The following LGR5 variants were observed in gnomAD, a reference collection of about 807,000 sequenced individuals.
LGR5 encodes the protein leucine-rich repeat-containing G protein-coupled receptor 5.
In LGR5, 54 loss-of-function variants were observed where a neutral mutation model predicts 76.7. The observed-to-expected ratio is 0.70, with a 90% CI of 0.57 to 0.88. The LOEUF (loss-of-function observed/expected upper bound fraction) is 0.88, where lower values mean the gene tolerates loss of function less well. LGR5 is among the 40% of genes least tolerant of loss of function. The pLI is 0.00. For missense variants in LGR5, 1,078 were observed against 1,073.3 expected (o/e 1.00, Z -0.06); for synonymous variants, 406 against 421.9 (o/e 0.96, Z 0.46).
rs75309203 is a variant in LGR5, at chr12:71,575,183, G to A, written c.1208+2262G>A. On this transcript the variant is annotated intron_variant, in intron 13 of 17. Coordinates refer to ENST00000266674, the MANE Select transcript of LGR5 (RefSeq NM_003667.4). ...GTAATGATAATACCTACCTCTTAGG[G>A]TTGTGGTGAGGGTTATGAGACTAAA... is the stretch of plus-strand genomic sequence containing the variant. Among the ~76,000 whole-genome samples the A allele has an allele frequency of 2.7e-3, 415 of 152,246 alleles. 7 individuals carry two copies. The East Asian group carries it at 0.06, about 22-fold the overall frequency.
intron 2 of LGR5, among the ~76,000 whole-genome samples, chr12:71,521,650 C>T (rs1031181132): frequency 6.6e-6 from 1 of 152,074 alleles, no homozygotes; most frequent in Non-Finnish European, 1.5e-5. Flanking sequence ...AGCTGGGTGG[C>T]CATGTAATCT....
Position 71,507,279 on chromosome 12 carries a change from G to A in LGR5, c.284+2594G>A, listed in dbSNP as rs909017658. 1.1e-4 allele frequency among the ~76,000 whole-genome samples: 17 copies of A among 152,290 alleles called. No homozygotes were observed. In the South Asian group the frequency reaches 1.2e-3, roughly 11 times the overall value. ...CTTTCAAAGCCATGCTTGGAAAGTGGAGGGACGGTTGGAATTGTGCATGGT... is the reference window on the plus strand; with the variant it reads ...CTTTCAAAGCCATGCTTGGAAAGTGAAGGGACGGTTGGAATTGTGCATGGT... On this transcript the variant is annotated intron_variant, in intron 2 of 17. Coordinates refer to ENST00000266674, the MANE Select transcript of LGR5 (RefSeq NM_003667.4).
intron 8 of LGR5, among the ~76,000 whole-genome samples, chr12:71,563,437 C>T (rs767878133): frequency 2.0e-5 from 3 of 152,186 alleles, no homozygotes; most frequent in Non-Finnish European, 4.4e-5. Flanking sequence ...CCTTGAAGCA[C>T]GGCAACCATC....
At chr12:71,469,889 A>G (rs1873023214) in intron 1 of LGR5, among the ~76,000 whole-genome samples, 1 of 152,176 alleles carries the variant, frequency 6.6e-6, no homozygotes, top group African/African-American at 2.4e-5. Context: ...TTTTAAAAGC[A>G]GGAACCTAAT....
At chr12:71,502,728 C>T (rs192355496) in intron 1 of LGR5, among the ~76,000 whole-genome samples, 27 of 152,324 alleles carry the variant, frequency 1.8e-4, no homozygotes, top group Non-Finnish European at 3.4e-4. Context: ...CCCTAGTCTC[C>T]TCCACCATAA....
At chr12:71,532,113 A>C (rs1876346878) in intron 3 of LGR5, among the ~76,000 whole-genome samples, 1 of 152,184 alleles carries the variant, frequency 6.6e-6, no homozygotes, top group Non-Finnish European at 1.5e-5. Flanking sequence ...TTTATTAATA[A>C]AAAGTTTAGA....
chr12:71,547,157 A>G lies in LGR5; in HGVS notation c.429-5916A>G, dbSNP rs539226368. On this transcript the variant is annotated intron_variant, in intron 4 of 17. Transcript: ENST00000266674. ...GTAACATTGCAAAGACTCATACTTA[A>G]TAAAAACTCCGTTCTTGCACCAGGT... 1.1e-4 allele frequency among the ~76,000 whole-genome samples: 16 copies of G among 152,362 alleles called. No homozygotes were observed. In the South Asian group the frequency reaches 3.3e-3, roughly 32 times the overall value.
intron 1 of LGR5, among the ~76,000 whole-genome samples, chr12:71,466,350 T>C (rs10506632): frequency 0.23 from 34,821 of 152,102 alleles, 5,434 homozygotes; most frequent in African/African-American, 0.44. Context: ...TTTTATTAAA[T>C]GGAGTTCAAA....
At chr12:71,510,044 T>A (rs1472385273) in intron 2 of LGR5, among the ~76,000 whole-genome samples, 1 of 152,236 alleles carries the variant, frequency 6.6e-6, no homozygotes, top group Non-Finnish European at 1.5e-5. Context: ...CTGTCCTGCC[T>A]GTCTTTTGAG....
At chr12:71,503,893 A>G (rs1344215979) in intron 1 of LGR5, among the ~76,000 whole-genome samples, 1 of 152,216 alleles carries the variant, frequency 6.6e-6, no homozygotes, top group African/African-American at 2.4e-5. Flanking sequence ...TAGGGGGGAA[A>G]AAAACAGAAT....
At chr12:71,452,707 CTCTTGATGTTAGAAATGAGAACATT>C (rs1040658921) in intron 1 of LGR5, among the ~76,000 whole-genome samples, 3 of 152,280 alleles carry the variant, frequency 2.0e-5, no homozygotes, top group African/African-American at 7.2e-5. Context: ...ATGAGAACAT[CTCTTGATGTTAGAAATGAGAACATT>C]TCTTGATGAC....
At chr12:71,544,888 G>A (rs1421965720) in intron 4 of LGR5, among the ~76,000 whole-genome samples, 2 of 151,914 alleles carry the variant, frequency 1.3e-5, no homozygotes, top group African/African-American at 2.4e-5. Context: ...GTGGTTTTTT[G>A]GCTTTCCTGA....
At chr12:71,450,821 C>T (rs1872218824) in intron 1 of LGR5, among the ~76,000 whole-genome samples, 1 of 152,134 alleles carries the variant, frequency 6.6e-6, no homozygotes, top group Non-Finnish European at 1.5e-5. Flanking sequence ...CACATACGCA[C>T]ACACTCCCTA....
intron 1 of LGR5, among the ~76,000 whole-genome samples, chr12:71,501,083 T>TA (rs1236731756): frequency 1.5e-3 from 235 of 152,254 alleles, no homozygotes; most frequent in African/African-American, 4.8e-3. Flanking sequence ...AGATATGTTT[T>TA]AAAAAAACAG....
intron 1 of LGR5, among the ~76,000 whole-genome samples, chr12:71,494,363 C>T (rs1350477049): frequency 1.3e-5 from 2 of 150,686 alleles, no homozygotes; most frequent in Non-Finnish European, 2.9e-5. Flanking sequence ...CAAGCATGAA[C>T]CACTGAACCA....
intron 1 of LGR5, among the ~76,000 whole-genome samples, chr12:71,476,011 G>T (rs1337684498): frequency 6.6e-6 from 1 of 152,110 alleles, no homozygotes; most frequent in Non-Finnish European, 1.5e-5. Context: ...GACACGCAGG[G>T]TTCCTCTGTT....
chr12:71,567,749 C>T (rs1878420030), intron 11 of LGR5, among the ~76,000 whole-genome samples: 1 of 152,122 alleles, frequency 6.6e-6, no homozygotes, highest in African/African-American at 2.4e-5. Context: ...CTTCAGACTC[C>T]AGTTGCTCAA....
At chr12:71,535,989 T>C (rs1260415173) in intron 4 of LGR5, among the ~76,000 whole-genome samples, 1 of 152,228 alleles carries the variant, frequency 6.6e-6, no homozygotes, top group African/African-American at 2.4e-5. Context: ...GGCAAGTCTA[T>C]ACCACTACTA....
intron 2 of LGR5, among the ~76,000 whole-genome samples, chr12:71,511,066 G>A (rs980894773): frequency 7.2e-5 from 11 of 152,218 alleles, no homozygotes; most frequent in Admixed American, 2.0e-4. Flanking sequence ...TGTGCAGCTA[G>A]TGAACCAACA....
Sources: gnomAD v4.1 joint callset for allele counts (sites outside exome capture counted in the v4.1 genomes callset) on GRCh38, gnomAD v4.1.1 for gene constraint, MANE v1.5 for transcripts, NCBI Gene and HGNC (gene_info 2026-07-23, HGNC 2026-07-21) for gene names.